Variants in CSMD1 observed in about 807,000 individuals in gnomAD.
CSMD1 encodes CUB and Sushi multiple domains 1.
A neutral mutation model predicts 417.5 loss-of-function variants in CSMD1; 213 were observed. The observed-to-expected ratio is 0.51, with a 90% CI of 0.46 to 0.57. The LOEUF (loss-of-function observed/expected upper bound fraction) is 0.57, where lower values mean the gene tolerates loss of function less well. Among genes scored for constraint, CSMD1 ranks in the 20% least tolerant of loss-of-function variants. The pLI, the probability that CSMD1 is intolerant of heterozygous loss-of-function variation, is 0.00. For synonymous variants in CSMD1, 2,862 were observed against 1,736.8 expected (o/e 1.65, Z -16.11); for missense variants, 6,923 against 4,529.7 (o/e 1.53, Z -15.17).
intron 26 of CSMD1, among the ~76,000 whole-genome samples, chr8:3,245,612 G>C (rs1047663122): frequency 2.6e-5 from 4 of 152,138 alleles, no homozygotes; most frequent in Admixed American, 2.6e-4. Flanking sequence ...TCCAGGAAAG[G>C]ACAGGAGCCT....
chr8:3,071,370 AG>A (rs1813312468), intron 49 of CSMD1, among the ~76,000 whole-genome samples: 1 of 152,172 alleles, frequency 6.6e-6, no homozygotes, highest in Admixed American at 6.5e-5. Flanking sequence ...GAGCAAGAGG[AG>A]GGAGAGCATT....
At chr8:4,067,172 G>C (rs999426853) in intron 3 of CSMD1, among the ~76,000 whole-genome samples, 1 of 152,154 alleles carries the variant, frequency 6.6e-6, no homozygotes, top group Admixed American at 6.5e-5. Context: ...AAAGATACTG[G>C]GTGAAAGGCT....
chr8:4,069,361 T>G (rs965359856), intron 3 of CSMD1, among the ~76,000 whole-genome samples: 1 of 152,230 alleles, frequency 6.6e-6, no homozygotes, highest in Non-Finnish European at 1.5e-5. Flanking sequence ...GTTGAACCAC[T>G]GGTGATTTTT....
chr8:4,276,537 A>G (rs1479791211), intron 3 of CSMD1, among the ~76,000 whole-genome samples: 1 of 152,154 alleles, frequency 6.6e-6, no homozygotes. Flanking sequence ...CACATGTTTA[A>G]CTACGTAACA....
At chr8:4,459,534 G>T (rs1211817617) in intron 2 of CSMD1, among the ~76,000 whole-genome samples, 1 of 152,222 alleles carries the variant, frequency 6.6e-6, no homozygotes, top group Non-Finnish European at 1.5e-5. Flanking sequence ...AAGCAATTTA[G>T]AGGAGCCTGG....
chr8:4,678,400 G>C (rs1304296057), intron 1 of CSMD1, among the ~76,000 whole-genome samples: 1 of 151,770 alleles, frequency 6.6e-6, no homozygotes, highest in Non-Finnish European at 1.5e-5. Flanking sequence ...AACAGAGCAA[G>C]ACTCTGTCTC....
At chr8:2,983,697 T>G (rs1197946006) in intron 54 of CSMD1, among the ~76,000 whole-genome samples, 3 of 152,328 alleles carry the variant, frequency 2.0e-5, no homozygotes, top group Non-Finnish European at 4.4e-5. Flanking sequence ...CACTCTTTCC[T>G]ACAAGCACAA....
At chr8:3,561,699 C>CT (rs901327355) in intron 10 of CSMD1, among the ~76,000 whole-genome samples, 1 of 152,102 alleles carries the variant, frequency 6.6e-6, no homozygotes, top group African/African-American at 2.4e-5. Context: ...GATGGGTGTA[C>CT]TACCAGCCCC....
At chr8:3,416,735 G>T (rs1296043401) in intron 12 of CSMD1, among the ~76,000 whole-genome samples, 1 of 152,114 alleles carries the variant, frequency 6.6e-6, no homozygotes, top group Non-Finnish European at 1.5e-5. Flanking sequence ...CACTGTACAT[G>T]GACACAAGAC....
At chr8:4,670,706 T>G (rs1805240932) in intron 1 of CSMD1, among the ~76,000 whole-genome samples, 1 of 152,204 alleles carries the variant, frequency 6.6e-6, no homozygotes, top group Non-Finnish European at 1.5e-5. Context: ...TCACGTCTCT[T>G]AAGGCAGACC....
chr8:3,219,586 A>C (rs1041794161), intron 28 of CSMD1, 144 bp from the exon 29 acceptor site: 3 of 560,254 alleles, frequency 5.4e-6, no homozygotes, highest in Non-Finnish European at 9.2e-6. Context: ...TAAATGTAGT[A>C]TGAATCAAAA....
intron 48 of CSMD1, among the ~76,000 whole-genome samples, chr8:3,090,614 G>A (rs935538873): frequency 8.6e-5 from 13 of 152,026 alleles, no homozygotes; most frequent in Non-Finnish European, 7.4e-5. Flanking sequence ...TTGGACGCTC[G>A]TAGTCCCTAA....
intron 1 of CSMD1, among the ~76,000 whole-genome samples, chr8:4,790,463 A>G (rs1797630699): frequency 6.6e-6 from 1 of 152,190 alleles, no homozygotes; most frequent in East Asian, 1.9e-4. Context: ...CATTTTCCAC[A>G]GAATGAGAAA....
chr8:4,154,686 A>G (rs1478421637), intron 3 of CSMD1, among the ~76,000 whole-genome samples: 4 of 152,240 alleles, frequency 2.6e-5, no homozygotes, highest in Non-Finnish European at 5.9e-5. Flanking sequence ...GAGAATTCTC[A>G]TTAAAAACGT....
intron 63 of CSMD1, among the ~76,000 whole-genome samples, chr8:2,956,630 GT>G (rs1337424341): frequency 1.3e-5 from 2 of 151,370 alleles, no homozygotes; most frequent in African/African-American, 2.4e-5. Flanking sequence ...ATTTTTTGTA[GT>G]TTTTTTAGTA....
intron 12 of CSMD1, among the ~76,000 whole-genome samples, chr8:3,416,105 T>C (rs1585132035): frequency 6.6e-6 from 1 of 151,820 alleles, no homozygotes; most frequent in Admixed American, 6.6e-5. Flanking sequence ...ATCGAGACCA[T>C]CCTGGATAAC....
intron 1 of CSMD1, among the ~76,000 whole-genome samples, chr8:4,649,269 T>C (rs1244936410): frequency 6.6e-6 from 1 of 152,212 alleles, no homozygotes; most frequent in Non-Finnish European, 1.5e-5. Flanking sequence ...GCAAGGGAGC[T>C]GGAGTGACTA....
At chr8:3,671,500 TATATATATATATGATC>T (rs1166833305) in intron 7 of CSMD1, among the ~76,000 whole-genome samples, 233 of 5,820 alleles carry the variant, frequency 0.04, 1 homozygote, top group Middle Eastern at 0.17. Context: ...TATGATCATA[TATATATATATATGATC>T]ATATATATGA....
intron 1 of CSMD1, among the ~76,000 whole-genome samples, chr8:4,814,741 C>G (rs1303158438): frequency 1.3e-5 from 2 of 151,968 alleles, no homozygotes; most frequent in Admixed American, 6.6e-5. Context: ...TATTTTTGTC[C>G]TAACATTGAG....
Sources: gnomAD v4.1 joint callset for allele counts (sites outside exome capture counted in the v4.1 genomes callset) on GRCh38, gnomAD v4.1.1 for gene constraint, MANE v1.5 for transcripts, NCBI Gene and HGNC (gene_info 2026-07-23, HGNC 2026-07-21) for gene names.